KHDRBS2: variants seen among roughly 807,000 people sequenced by gnomAD.
KHDRBS2 encodes KH domain-containing, RNA-binding, signal transduction-associated protein 2.
Under a neutral mutation model 44.3 loss-of-function variants are expected in KHDRBS2, and 26 were observed. The ratio of observed to expected loss-of-function variants is 0.59; its 90% CI spans 0.43 to 0.81. The LOEUF (loss-of-function observed/expected upper bound fraction) is 0.81, where lower values mean the gene tolerates loss of function less well. Among genes scored for constraint, KHDRBS2 ranks in the 40% least tolerant of loss-of-function variants. The pLI is 0.00. For synonymous variants in KHDRBS2, 194 were observed against 151.1 expected, an observed-to-expected ratio of 1.28 and a Z score of -2.08; for missense variants, 476 against 433.1, an observed-to-expected ratio of 1.10 and a Z score of -0.88.
the KHDRBS2 span, among the ~76,000 whole-genome samples, chr6:61,653,417 C>T: frequency 1.1e-4 from 16 of 152,084 alleles, no homozygotes; most frequent in South Asian, 8.3e-4. Flanking sequence ...AAAATAAAAA[C>T]CTTCTATTTG....
intron 4 of KHDRBS2, among the ~76,000 whole-genome samples, chr6:61,971,353 T>C (rs1360837449): frequency 6.6e-6 from 1 of 152,164 alleles, no homozygotes; most frequent in Non-Finnish European, 1.5e-5. Flanking sequence ...TTTTTCATTG[T>C]AGCTTGCTGA....
chr6:61,921,503 T>A (rs1318224190), intron 4 of KHDRBS2, among the ~76,000 whole-genome samples: 2 of 152,022 alleles, frequency 1.3e-5, no homozygotes, highest in African/African-American at 4.8e-5. Context: ...TTACATTTTT[T>A]AAAAAATTGT....
intron 1 of KHDRBS2, among the ~76,000 whole-genome samples, chr6:62,270,535 A>G (rs1469140700): frequency 6.6e-6 from 1 of 151,966 alleles, no homozygotes; most frequent in Non-Finnish European, 1.5e-5. Flanking sequence ...AATACAAAAA[A>G]GACTGAGACA....
the KHDRBS2 span, among the ~76,000 whole-genome samples, chr6:61,653,111 G>C: frequency 1.3e-5 from 2 of 152,068 alleles, no homozygotes; most frequent in Non-Finnish European, 2.9e-5. Context: ...GGTGGAGTCA[G>C]TGAGAATATA....
At chr6:61,938,094 T>C (rs1811376672) in intron 4 of KHDRBS2, among the ~76,000 whole-genome samples, 1 of 152,050 alleles carries the variant, frequency 6.6e-6, no homozygotes, top group African/African-American at 2.4e-5. Flanking sequence ...ACCTTTTGGG[T>C]TTACAGCACT....
intron 6 of KHDRBS2, among the ~76,000 whole-genome samples, chr6:61,754,060 C>T (rs1164004833): frequency 1.3e-5 from 2 of 152,124 alleles, no homozygotes; most frequent in African/African-American, 4.8e-5. Context: ...GTTCTCATGA[C>T]ACCTTTATTT....
At chr6:62,269,789 C>A (rs1442450042) in intron 1 of KHDRBS2, among the ~76,000 whole-genome samples, 2 of 152,032 alleles carry the variant, frequency 1.3e-5, no homozygotes, top group South Asian at 2.1e-4. Flanking sequence ...ACTTTTATAA[C>A]AACTTATCTA....
intron 1 of KHDRBS2, among the ~76,000 whole-genome samples, chr6:62,235,579 A>T (rs546261505): frequency 6.6e-6 from 1 of 152,014 alleles, no homozygotes; most frequent in Non-Finnish European, 1.5e-5. Flanking sequence ...ATATTTTTAA[A>T]GTCTGTCCCA....
the KHDRBS2 span, among the ~76,000 whole-genome samples, chr6:61,571,261 G>A: frequency 2.6e-5 from 4 of 152,178 alleles, no homozygotes; most frequent in South Asian, 6.2e-4. Context: ...AAAGCATGCA[G>A]AAGTAGCTAT....
chr6:62,090,080 G>T (rs1799211998), intron 2 of KHDRBS2, among the ~76,000 whole-genome samples: 1 of 152,050 alleles, frequency 6.6e-6, no homozygotes, highest in African/African-American at 2.4e-5. Flanking sequence ...GCCCAGGCTT[G>T]GTATATGATG....
At chr6:61,616,345 A>G in the KHDRBS2 span, among the ~76,000 whole-genome samples, 89,723 of 151,766 alleles carry the variant, frequency 0.59, 26,738 homozygotes, top group African/African-American at 0.61. Context: ...CTCAATGACT[A>G]TATGTGTGGA....
At chr6:61,987,452 A>G (rs1775259395) in intron 3 of KHDRBS2, among the ~76,000 whole-genome samples, 1 of 152,138 alleles carries the variant, frequency 6.6e-6, no homozygotes, top group Admixed American at 6.5e-5. Context: ...TTATTGCCAT[A>G]TTTTACCTCA....
chr6:61,947,838 A>G (rs1436168897), intron 4 of KHDRBS2, among the ~76,000 whole-genome samples: 12 of 151,534 alleles, frequency 7.9e-5, no homozygotes, highest in Non-Finnish European at 8.8e-5. Flanking sequence ...CCACTGGCAC[A>G]TGGAAGTTAG....
At chr6:61,779,882 T>C (rs368453706) in intron 6 of KHDRBS2, among the ~76,000 whole-genome samples, 20 of 152,130 alleles carry the variant, frequency 1.3e-4, no homozygotes, top group African/African-American at 4.6e-4. Flanking sequence ...AATTCAAGTC[T>C]GTCTGACTCT....
downstream of KHDRBS2, among the ~76,000 whole-genome samples, chr6:61,678,270 G>A (rs1462990567): frequency 1.3e-5 from 2 of 151,932 alleles, no homozygotes; most frequent in African/African-American, 2.4e-5. Context: ...ACTCTTTTCA[G>A]TTGAAGTTTA....
intron 1 of KHDRBS2, among the ~76,000 whole-genome samples, chr6:62,264,163 T>C (rs1450351960): frequency 6.6e-6 from 1 of 151,790 alleles, no homozygotes; most frequent in Non-Finnish European, 1.5e-5. Context: ...TGAAATTATG[T>C]CCCAAAGTCA....
chr6:61,980,422 A>T (rs1773594854), intron 3 of KHDRBS2, among the ~76,000 whole-genome samples: 1 of 152,142 alleles, frequency 6.6e-6, no homozygotes, highest in Non-Finnish European at 1.5e-5. Context: ...AACTCCTGAA[A>T]GTTTAGAATG....
chr6:62,162,708 T>C (rs1454492035), intron 2 of KHDRBS2, among the ~76,000 whole-genome samples: 1 of 152,106 alleles, frequency 6.6e-6, no homozygotes, highest in African/African-American at 2.4e-5. Flanking sequence ...GACAGATTTC[T>C]GGTGCCTCCT....
At chr6:62,003,825 C>A (rs1778714451) in intron 3 of KHDRBS2, among the ~76,000 whole-genome samples, 1 of 152,130 alleles carries the variant, frequency 6.6e-6, no homozygotes, top group Admixed American at 6.6e-5. Flanking sequence ...TCTCTCAGAC[C>A]ACAGTGCAAT....
Sources: gnomAD v4.1 joint callset for allele counts (sites outside exome capture counted in the v4.1 genomes callset) on GRCh38, gnomAD v4.1.1 for gene constraint, MANE v1.5 for transcripts, NCBI Gene and HGNC (gene_info 2026-07-23, HGNC 2026-07-21) for gene names.